Variants in FAT3 observed in about 807,000 individuals in gnomAD.
FAT3 encodes the protein protocadherin Fat 3.
A neutral mutation model predicts 310.2 loss-of-function variants in FAT3; 95 were observed. That is an observed-to-expected ratio of 0.31 (90% CI 0.26 to 0.36). FAT3 has a LOEUF of 0.36. FAT3 is among the 10% of genes least tolerant of loss of function. The pLI, the probability that FAT3 is intolerant of heterozygous loss-of-function variation, is 1.00. For synonymous variants in FAT3, 2,314 were observed against 2,192.9 expected (o/e 1.06, Z -1.54); for missense variants, 5,408 against 5,715.6 (o/e 0.95, Z 1.74).
At chr11:92,570,105 A>G (rs908895011) in intron 3 of FAT3, among the ~76,000 whole-genome samples, 8 of 152,176 alleles carry the variant, frequency 5.3e-5, no homozygotes, top group Non-Finnish European at 1.2e-4. Context: ...AAATTGAGCA[A>G]TGGCTGTTGA....
At chr11:92,730,858 AT>A (rs1039895922) in intron 4 of FAT3, among the ~76,000 whole-genome samples, 7 of 151,880 alleles carry the variant, frequency 4.6e-5, no homozygotes, top group South Asian at 2.1e-4. Flanking sequence ...AGTTTTTAAA[AT>A]TTTTTTTTCA....
chr11:92,533,311 T>G (rs1954141816), intron 3 of FAT3, among the ~76,000 whole-genome samples: 1 of 152,126 alleles, frequency 6.6e-6, no homozygotes, highest in Non-Finnish European at 1.5e-5. Context: ...CATAAGCCAC[T>G]ACACATAGCC....
chr11:92,872,528 CTT>C (rs765002121), intron 22 of FAT3, among the ~76,000 whole-genome samples: 19 of 152,278 alleles, frequency 1.2e-4, no homozygotes, highest in Non-Finnish European at 2.1e-4. Flanking sequence ...CTGACTTACT[CTT>C]ATATTTTTGG....
intron 22 of FAT3, among the ~76,000 whole-genome samples, chr11:92,879,229 C>G (rs770137980): frequency 4.6e-5 from 7 of 152,094 alleles, no homozygotes; most frequent in Non-Finnish European, 7.4e-5. Context: ...TCCTATAAAC[C>G]CTTTTGGAGG....
At chr11:92,441,142 G>A (rs914653962) in intron 2 of FAT3, among the ~76,000 whole-genome samples, 8 of 152,204 alleles carry the variant, frequency 5.3e-5, no homozygotes, top group Admixed American at 3.9e-4. Context: ...AATGTTAATG[G>A]AATAAATAGG....
intron 3 of FAT3, among the ~76,000 whole-genome samples, chr11:92,659,092 A>G (rs1942682032): frequency 1.3e-5 from 2 of 152,176 alleles, no homozygotes; most frequent in Non-Finnish European, 2.9e-5. Context: ...AGGTTATGGA[A>G]AAGAGAAAAG....
At chr11:92,633,370 C>A (rs1035858154) in intron 3 of FAT3, among the ~76,000 whole-genome samples, 2 of 152,044 alleles carry the variant, frequency 1.3e-5, no homozygotes, top group East Asian at 3.9e-4. Context: ...TCTTCCAGGC[C>A]AGCATCAGCC....
At chr11:92,368,933 T>C (rs1008260391) in intron 2 of FAT3, among the ~76,000 whole-genome samples, 10 of 151,070 alleles carry the variant, frequency 6.6e-5, no homozygotes, top group African/African-American at 2.5e-4. Context: ...TATACACACA[T>C]ATATATATAC....
chr11:92,418,437 C>CCG (rs1424022062), intron 2 of FAT3, among the ~76,000 whole-genome samples: 6 of 107,826 alleles, frequency 5.6e-5, no homozygotes, highest in Non-Finnish European at 1.1e-4. Flanking sequence ...CACCCCCCCA[C>CCG]ACACACACAG....
intron 9 of FAT3, among the ~76,000 whole-genome samples, chr11:92,796,568 C>T (rs901089540): frequency 1.2e-4 from 18 of 152,122 alleles, no homozygotes; most frequent in African/African-American, 4.1e-4. Context: ...AATTATATAC[C>T]TATCATACTA....
chr11:92,879,117 C>T (rs952175700), intron 22 of FAT3, among the ~76,000 whole-genome samples: 2 of 151,896 alleles, frequency 1.3e-5, no homozygotes, highest in Non-Finnish European at 2.9e-5. Flanking sequence ...TTCTCAAAAG[C>T]GACATGGAGG....
At chr11:92,713,355 A>G (rs1415441293) in intron 4 of FAT3, among the ~76,000 whole-genome samples, 3 of 152,214 alleles carry the variant, frequency 2.0e-5, no homozygotes, top group African/African-American at 7.2e-5. Flanking sequence ...GGGAAATTAC[A>G]TTGTAGTTAC....
chr11:92,515,300 A>C (rs972156111), intron 2 of FAT3, among the ~76,000 whole-genome samples: 7 of 152,148 alleles, frequency 4.6e-5, no homozygotes, highest in African/African-American at 1.7e-4. Context: ...TTATAAATAA[A>C]AACAGACTCT....
intron 3 of FAT3, among the ~76,000 whole-genome samples, chr11:92,691,229 A>G (rs971432049): frequency 1.3e-5 from 2 of 152,154 alleles, no homozygotes; most frequent in African/African-American, 4.8e-5. Flanking sequence ...TAGAGAAGGA[A>G]TATGATTTCC....
intron 13 of FAT3, among the ~76,000 whole-genome samples, chr11:92,823,962 A>G (rs1000843914): frequency 3.5e-4 from 54 of 152,296 alleles, no homozygotes; most frequent in Non-Finnish European, 6.9e-4. Context: ...AGGAGCCATT[A>G]ATTTAAGCTG....
At chr11:92,291,208 A>G (rs1333273294) in intron 1 of FAT3, among the ~76,000 whole-genome samples, 1 of 152,068 alleles carries the variant, frequency 6.6e-6, no homozygotes, top group Non-Finnish European at 1.5e-5. Flanking sequence ...TCCAGTACAA[A>G]GATGTGTAGG....
chr11:92,368,587 C>T (rs1276628514), intron 2 of FAT3, among the ~76,000 whole-genome samples: 1 of 152,112 alleles, frequency 6.6e-6, no homozygotes, highest in African/African-American at 2.4e-5. Context: ...GACAAGTTTA[C>T]ATGTCTAATC....
At chr11:92,375,042 C>T (rs972143256) in intron 2 of FAT3, among the ~76,000 whole-genome samples, 1 of 151,974 alleles carries the variant, frequency 6.6e-6, no homozygotes, top group Non-Finnish European at 1.5e-5. Context: ...ATAAAACATG[C>T]GCACACACAC....
chr11:92,542,163 C>T (rs1160336016), intron 3 of FAT3, among the ~76,000 whole-genome samples: 1 of 152,056 alleles, frequency 6.6e-6, no homozygotes, highest in Non-Finnish European at 1.5e-5. Context: ...AGACCCCTGT[C>T]TCTCACCATA....
Sources: allele counts gnomAD v4.1 joint callset (sites outside exome capture counted in the v4.1 genomes callset), GRCh38; gene constraint gnomAD v4.1.1; transcripts MANE v1.5; gene names NCBI Gene and HGNC (gene_info 2026-07-23, HGNC 2026-07-21).